Variants in KCNH8 observed in about 807,000 individuals in gnomAD.
The protein encoded by KCNH8 is potassium voltage-gated channel subfamily H member 8.
A neutral mutation model predicts 103.6 loss-of-function variants in KCNH8; 70 were observed. The observed-to-expected ratio is 0.68, with a 90% CI of 0.56 to 0.82. The LOEUF is 0.82. KCNH8 is among the 40% of genes least tolerant of loss of function. The probability of loss-of-function intolerance (pLI) is 0.00; values close to 1 mark genes in which losing one functional copy is unlikely to be tolerated. For synonymous variants in KCNH8, 498 were observed against 489.4 expected (o/e 1.02, Z -0.23); for missense variants, 1,217 against 1,329.9 (o/e 0.92, Z 1.32).
chr3:19,530,185 T>G (rs916841405), intron 15 of KCNH8, among the ~76,000 whole-genome samples: 1 of 152,110 alleles, frequency 6.6e-6, no homozygotes, highest in Non-Finnish European at 1.5e-5. Context: ...GACAGGTTGG[T>G]TAATGGGCAC....
chr3:19,309,574 G>A (rs1024044291), intron 3 of KCNH8, among the ~76,000 whole-genome samples: 4 of 151,912 alleles, frequency 2.6e-5, no homozygotes, highest in African/African-American at 9.7e-5. Context: ...GATAGTGTCT[G>A]ATAACTAACA....
intron 8 of KCNH8, among the ~76,000 whole-genome samples, chr3:19,440,034 C>T (rs2067258247): frequency 6.6e-6 from 1 of 151,844 alleles, no homozygotes; most frequent in African/African-American, 2.4e-5. Context: ...GTGACAAAGA[C>T]AGAAAGAAAC....
At chr3:19,372,335 G>A (rs900309575) in intron 5 of KCNH8, among the ~76,000 whole-genome samples, 28 of 151,012 alleles carry the variant, frequency 1.9e-4, no homozygotes, top group African/African-American at 6.3e-4. Context: ...CACATCCCTT[G>A]TAAGTTGGAT....
At chr3:19,413,194 G>GAAAAAAAAAAAAAAAAAAAAA (rs796510772) in intron 7 of KCNH8, among the ~76,000 whole-genome samples, 1 of 127,042 alleles carries the variant, frequency 7.9e-6, no homozygotes, top group Non-Finnish European at 1.7e-5. Flanking sequence ...TAGCCAAAAA[G>GAAAAAAAAAAAAAAAAAAAAA]AAAAAAAAAA....
At chr3:19,299,578 A>G (rs1166876361) in intron 3 of KCNH8, among the ~76,000 whole-genome samples, 1 of 152,238 alleles carries the variant, frequency 6.6e-6, no homozygotes, top group Non-Finnish European at 1.5e-5. Context: ...TTAAATCTCT[A>G]CAACAAACCC....
At position 19,256,813 on chromosome 3, in the gene KCNH8, T is replaced by C. The variant is rs2064352830; in HGVS notation, c.310+2926T>C. On this transcript the variant is annotated intron_variant, in intron 2 of 15. Transcript: ENST00000328405. ...GAAATCATTAAAGGCACCAGTTCCC[T>C]TTAAGTTAGTCGCCATGGGGAATTG... 1.3e-5 allele frequency among the ~76,000 whole-genome samples: 2 copies of C among 152,106 alleles called. 1 individual carries two copies. Among genetic ancestry groups the C allele is most frequent in the South Asian group, 4.1e-4 (2 of 4,834 alleles).
At chr3:19,403,720 T>C (rs907865573) in intron 7 of KCNH8, among the ~76,000 whole-genome samples, 3 of 151,696 alleles carry the variant, frequency 2.0e-5, no homozygotes, top group African/African-American at 7.3e-5. Context: ...AAATTAGCTT[T>C]GATGATGAAA....
chr3:19,438,283 A>G lies in KCNH8; in HGVS notation c.1297A>G (p.Thr433Ala). ...TCTGTACTTCACGCTGAGCAGCCTC[A>G]CCAGCGTGGGTTTTGGGAACGTCTC... Reference protein sequence around the residue: ...AALYFTLSSLTSVGFGNVSAN... With the variant: ...AALYFTLSSLASVGFGNVSAN... Residue 433 changes from threonine (T) to alanine (A), a missense_variant, in exon 8 of 16, where the codon ACC (threonine) becomes GCC (alanine). Physicochemically the swap from Thr to Ala is moderately conservative, Grantham distance 58. Transcript: ENST00000328405. 1.2e-6 allele frequency: 2 copies of G among 1,613,946 alleles called. No individual in the cohort carries two copies. The highest frequency in any genetic ancestry group is 1.7e-6 in the Non-Finnish European group (2 of 1,179,892).
chr3:19,500,978 A>G (rs2068569270), intron 11 of KCNH8, among the ~76,000 whole-genome samples: 1 of 152,166 alleles, frequency 6.6e-6, no homozygotes, highest in Non-Finnish European at 1.5e-5. Context: ...AAAATTTAAC[A>G]AATCCAGGAG....
At chr3:19,451,042 T>C in intron 9 of KCNH8, 113 bp from the exon 10 acceptor site, 2 of 991,448 alleles carry the variant, frequency 2.0e-6, no homozygotes, top group Admixed American at 3.9e-5. Context: ...TTCTGTATGC[T>C]GGATGGCCAA....
At chr3:19,373,524 C>A (rs532366582) in intron 5 of KCNH8, among the ~76,000 whole-genome samples, 5 of 152,008 alleles carry the variant, frequency 3.3e-5, no homozygotes, top group African/African-American at 1.2e-4. Flanking sequence ...GTCTTGCTAG[C>A]GGTCTATCAG....
chr3:19,259,357 A>T (rs966544667), intron 2 of KCNH8, among the ~76,000 whole-genome samples: 1 of 151,920 alleles, frequency 6.6e-6, no homozygotes, highest in South Asian at 2.1e-4. Context: ...AGCTTTTTTT[A>T]AATTAGAAAA....
At chr3:19,355,303 C>A (rs1473933240) in intron 5 of KCNH8, among the ~76,000 whole-genome samples, 2 of 152,074 alleles carry the variant, frequency 1.3e-5, no homozygotes, top group African/African-American at 2.4e-5. Flanking sequence ...AACTAGTTCA[C>A]CCATTGTGGA....
intron 11 of KCNH8, among the ~76,000 whole-genome samples, chr3:19,468,044 C>G (rs921474637): frequency 6.6e-6 from 1 of 152,160 alleles, no homozygotes; most frequent in African/African-American, 2.4e-5. Context: ...CCTTACCTGA[C>G]AGTCTGCTCT....
intron 8 of KCNH8, among the ~76,000 whole-genome samples, chr3:19,443,644 G>A (rs1453812863): frequency 6.6e-6 from 1 of 151,518 alleles, no homozygotes. Context: ...TGAACTTTGA[G>A]AACACCCAAA....
chr3:19,432,685 C>T (rs1032697764), intron 7 of KCNH8, among the ~76,000 whole-genome samples: 2 of 152,110 alleles, frequency 1.3e-5, no homozygotes, highest in East Asian at 1.9e-4. Context: ...CCACGAGAAA[C>T]ACTAGAGCAA....
intron 7 of KCNH8, among the ~76,000 whole-genome samples, chr3:19,416,192 G>GT (rs1217608685): frequency 3.3e-5 from 5 of 152,036 alleles, no homozygotes; most frequent in African/African-American, 1.2e-4. Context: ...TGATTTTTCA[G>GT]TATTTATTGA....
intron 1 of KCNH8, among the ~76,000 whole-genome samples, chr3:19,187,000 C>T (rs1427961885): frequency 6.6e-6 from 1 of 151,984 alleles, no homozygotes; most frequent in Non-Finnish European, 1.5e-5. Context: ...AATACATAAA[C>T]AAATGGGCAT....
intron 8 of KCNH8, among the ~76,000 whole-genome samples, chr3:19,445,999 A>AT (rs879721281): frequency 2.0e-5 from 3 of 151,946 alleles, no homozygotes; most frequent in East Asian, 1.9e-4. Context: ...TGTTATTTCT[A>AT]TTTTTTTCTA....
Sources: gnomAD v4.1 joint callset for allele counts (sites outside exome capture counted in the v4.1 genomes callset) on GRCh38, gnomAD v4.1.1 for gene constraint, MANE v1.5 for transcripts, NCBI Gene and HGNC (gene_info 2026-07-23, HGNC 2026-07-21) for gene names.